Variants in MMRN2 observed in about 807,000 individuals in gnomAD.
MMRN2 encodes the protein multimerin 2.
MMRN2 carries 53 observed loss-of-function variants against 68.8 expected under a neutral mutation model. That is an observed-to-expected ratio of 0.77 (90% confidence interval 0.62 to 0.97). The LOEUF (loss-of-function observed/expected upper bound fraction) is 0.97. MMRN2 is among the 50% of genes least tolerant of loss of function. The probability of loss-of-function intolerance (pLI) is 0.00; values close to 1 mark genes in which losing one functional copy is unlikely to be tolerated. For missense variants in MMRN2, 1,266 were observed against 1,259.5 expected (o/e 1.01, Z -0.08); for synonymous variants, 564 against 551.6 (o/e 1.02, Z -0.32).
chr10:86,936,782 C>G lies in MMRN2; in HGVS notation c.2811G>C (p.Ser937=), dbSNP rs756877625. 6.2e-7 allele frequency: 1 copy of G among 1,614,148 alleles called. No individual in the cohort carries two copies. Among genetic ancestry groups the G allele is most frequent in the South Asian group, 1.1e-5 (1 of 91,080 alleles). Residue 937 remains serine, a synonymous_variant, in exon 7 of 7, where the codon TCG becomes TCC. Coordinates refer to ENST00000372027, the MANE Select transcript of MMRN2 (RefSeq NM_024756.3). ...TCAGGAAGCCCCCAAATGCAGTGCC[C>G]GACAGGCTTCTCTTTGTTATTGATC... The part of the protein sequence containing the change: ...TQGSITKRSL[S]GTAFGGFLMF...
chr10:86,956,220 G>A (rs1363186230), intron 1 of MMRN2, among the ~76,000 whole-genome samples: 3 of 149,992 alleles, frequency 2.0e-5, no homozygotes, highest in East Asian at 2.0e-4. Flanking sequence ...GGGGGCAGGC[G>A]GGAATGAGGT....
intron 1 of MMRN2, chr10:86,948,808 T>G (rs1844106494): frequency 6.6e-6 from 1 of 152,082 alleles, no homozygotes; most frequent in African/African-American, 2.4e-5. Flanking sequence ...ATTAAAAAAT[T>G]AGCCAGGTGT....
chr10:86,937,244 A>G (rs1843894032), intron 6 of MMRN2, 119 bp from the exon 7 acceptor site: 3 of 1,071,684 alleles, frequency 2.8e-6, no homozygotes, highest in Non-Finnish European at 3.9e-6. Flanking sequence ...CTATTTCTAG[A>G]TAACCTAGAT....
rs368071202 is a variant in MMRN2 at position 86,944,088 on chromosome 10, G to A, written c.696C>T (p.His232=). ...AATGCACTTGTAGGAAGGTGTCCACGTGGGGTAGCAGCACCTGCTCCAAGG... is the reference window on the plus strand; with the variant it reads ...AATGCACTTGTAGGAAGGTGTCCACATGGGGTAGCAGCACCTGCTCCAAGG... The part of the protein sequence containing the change: ...DRSLEQVLLP[H]VDTFLQVHFS... The change falls in exon 6 of 7, where the codon CAC becomes CAT. Residue 232 remains histidine (H), a synonymous_variant. Transcript: ENST00000372027. 1.4e-5 allele frequency: 22 copies of A among 1,614,064 alleles called. No homozygotes were observed. The African/African-American group carries it at 1.6e-4, about 12-fold the overall frequency.
At chr10:86,951,994 G>A (rs1336538815) in intron 1 of MMRN2, among the ~76,000 whole-genome samples, 2 of 152,152 alleles carry the variant, frequency 1.3e-5, no homozygotes, top group Admixed American at 6.5e-5. Flanking sequence ...GTTGCAGTGA[G>A]CCGACATTGA....
chr10:86,936,516 C>T lies in MMRN2; in HGVS notation c.*227G>A. ...GCATGCCAAGCCAAGGTTCAGGCTT[C>T]CTAGGACCATGTCCTGCCCGGAGAA... On this transcript the variant is annotated 3_prime_UTR_variant, in exon 7 of 7. Coordinates refer to ENST00000372027, the MANE Select transcript of MMRN2 (RefSeq NM_024756.3). The T allele has an allele frequency of 1.7e-6, 1 of 604,350 alleles. No individual in the cohort carries two copies. The highest frequency in any genetic ancestry group is 3.0e-5 in the Admixed American group (1 of 33,808). The allele number at this position is 604,350 out of a possible 1,614,324, so 37.4% of individuals were successfully genotyped here.
intron 1 of MMRN2, chr10:86,945,928 CAG>C: frequency 1.7e-6 from 2 of 1,164,632 alleles, no homozygotes; most frequent in Non-Finnish European, 2.3e-6. Flanking sequence ...CCCGAGCCAG[CAG>C]AGAGGCTGAG....
At position 86,943,621 on chromosome 10, in the gene MMRN2, G is replaced by T; in HGVS notation, c.1163C>A (p.Ala388Asp). 2.5e-6 allele frequency: 4 copies of T among 1,613,780 alleles called. No homozygotes were observed. The highest frequency in any genetic ancestry group is 2.5e-6 in the Non-Finnish European group (3 of 1,180,002). The change falls in exon 6 of 7, where the codon GCC becomes GAC. Residue 388 changes from alanine to aspartate, a missense_variant. Transcript: ENST00000372027. The surrounding 1 kb of genome is among the most constrained non-coding windows in gnomAD (Gnocchi z 4.2). ...RNLSELHMTTARREEELQYTL... is the reference protein window; with the variant it reads ...RNLSELHMTTDRREEELQYTL... ...GTACTGCAACTCCTCCTCCCTGCGG[G>T]CCGTGGTCATGTGCAGCTCTGAGAG...
chr10:86,943,247 G>A lies in MMRN2; in HGVS notation c.1537C>T (p.Arg513Cys), dbSNP rs1166795049. The A allele has an allele frequency of 1.9e-6, 3 of 1,612,716 alleles. No homozygotes were observed. Among genetic ancestry groups the A allele is most frequent in the East Asian group, 4.5e-5 (2 of 44,868 alleles). The change falls in exon 6 of 7, where the codon CGT becomes TGT. Residue 513 changes from arginine (R) to cysteine (C), a missense_variant. By Grantham distance (180) the Arg-to-Cys change is radical. Coordinates refer to ENST00000372027, the MANE Select transcript of MMRN2 (RefSeq NM_024756.3). This position sits in a 1 kb window ranked among gnomAD's most constrained non-coding sequence, Gnocchi z 4.2. ...VIREGQRDAT[R>C]ALEETQVSLD... is the part of the protein sequence containing the mutation. ...CTCACCTGGGTCTCCTCCAGGGCAC[G>A]CGTGGCGTCCCTCTGGCCCTCCCGG...
chr10:86,944,476 C>T (rs766526972), intron 4 of MMRN2, 41 bp from the exon 5 acceptor site: 2 of 1,606,844 alleles, frequency 1.2e-6, no homozygotes, highest in East Asian at 4.5e-5. Flanking sequence ...GCTAACTCAC[C>T]AGGCCTGGGA....
intron 1 of MMRN2, among the ~76,000 whole-genome samples, chr10:86,954,963 C>T (rs1844197779): frequency 6.6e-6 from 1 of 152,164 alleles, no homozygotes; most frequent in African/African-American, 2.4e-5. Context: ...GCCACAAGCT[C>T]CCAGCTGGGA....
intron 1 of MMRN2, among the ~76,000 whole-genome samples, chr10:86,950,381 T>G (rs1844130116): frequency 6.6e-6 from 1 of 151,914 alleles, no homozygotes; most frequent in Admixed American, 6.6e-5. Flanking sequence ...AATAATAGTC[T>G]CCTAGATCCC....
In MMRN2 at chr10:86,943,433, T is replaced by C; in HGVS notation, c.1351A>G (p.Met451Val). 1 of 1,614,152 alleles carries C rather than the reference T, an allele frequency of 6.2e-7. No individual in the cohort carries two copies. The highest frequency in any genetic ancestry group is 8.5e-7 in the Non-Finnish European group (1 of 1,180,016). ...TALRELRVIL[M>V]EKSLIMEENK... is the part of the protein sequence containing the mutation. The stretch of plus-strand genomic sequence containing the variant: ...TCCTCCATGATCAGAGACTTCTCCA[T>C]CAGGATCACGCGCAGCTCACGGAGC... Residue 451 changes from methionine to valine, a missense_variant, in exon 6 of 7, where the codon ATG (methionine) becomes GTG (valine). Met to Val is a conservative substitution (Grantham distance 21). Coordinates refer to ENST00000372027, the MANE Select transcript of MMRN2 (RefSeq NM_024756.3). The surrounding 1 kb of genome is among the most constrained non-coding windows in gnomAD (Gnocchi z 4.2).
At position 86,942,638 on chromosome 10, in the gene MMRN2, C is replaced by A; in HGVS notation, c.2146G>T (p.Glu716Ter). 1 of 1,599,718 alleles carries A rather than the reference C, an allele frequency of 6.3e-7. No homozygotes were observed. Among genetic ancestry groups the A allele is most frequent in the South Asian group, 1.1e-5 (1 of 90,906 alleles). The change falls in exon 6 of 7, where the codon GAG (glutamate) becomes TAG (stop). Residue 716 changes from glutamate to a stop codon, truncating the protein, a stop_gained. Coordinates refer to ENST00000372027, the MANE Select transcript of MMRN2 (RefSeq NM_024756.3). LOFTEE classifies it high-confidence loss of function. ...NDVKNVGRCCEAEAGAGAASL... is the reference protein window; with the variant it reads ...NDVKNVGRCC Reference sequence around the variant, plus strand: ...GCGGCCCCGGCCCCGGCCTCGGCCTCGCAGCACCGCCCGACATTCTTGACG... The same window carrying A: ...GCGGCCCCGGCCCCGGCCTCGGCCTAGCAGCACCGCCCGACATTCTTGACG...
At position 86,943,687 on chromosome 10, in the gene MMRN2, G is replaced by C. The variant is rs751062543; in HGVS notation, c.1097C>G (p.Pro366Arg). Reference sequence around the variant, plus strand: ...GCCCAGCCTGGCCTGCAGGCTGTCCGGCTCAGGCCTTGCCCCAGCCCCAGG... The same window carrying C: ...GCCCAGCCTGGCCTGCAGGCTGTCCCGCTCAGGCCTTGCCCCAGCCCCAGG... ...ATPGAGARPE[P>R]DSLQARLGQL... Residue 366 changes from proline (P) to arginine (R), a missense_variant, in exon 6 of 7, where the codon CCG becomes CGG. Pro to Arg is a moderately radical substitution (Grantham distance 103). Coordinates refer to ENST00000372027, the MANE Select transcript of MMRN2 (RefSeq NM_024756.3). This position sits in a 1 kb window ranked among gnomAD's most constrained non-coding sequence, Gnocchi z 4.2. 3.1e-6 allele frequency: 5 copies of C among 1,610,674 alleles called. No homozygotes were observed. The highest frequency in any genetic ancestry group is 2.2e-5 in the East Asian group (1 of 44,878).
rs145792105 is a variant in MMRN2, at chr10:86,943,601, G to A, written c.1183C>T (p.Gln395Ter). ...MTTARREEEL[Q>*]YTLEDMRATL... ...GCCCTCATGTCCTCCAGGGTGTACT[G>A]CAACTCCTCCTCCCTGCGGGCCGTG... is the stretch of plus-strand genomic sequence containing the variant. Residue 395 changes from glutamine to a stop codon, truncating the protein, a stop_gained, in exon 6 of 7, where the codon CAG becomes TAG. Transcript: ENST00000372027. LOFTEE classifies it high-confidence loss of function. The surrounding 1 kb of genome is among the most constrained non-coding windows in gnomAD (Gnocchi z 4.2). 81 of 1,614,010 alleles carry A rather than the reference G, an allele frequency of 5.0e-5. No individual in the cohort carries two copies. Among genetic ancestry groups the A allele is most frequent in the Admixed American group, 4.8e-4 (29 of 60,020 alleles).
At chr10:86,952,109 C>T (rs1315867750) in intron 1 of MMRN2, among the ~76,000 whole-genome samples, 8 of 152,074 alleles carry the variant, frequency 5.3e-5, no homozygotes, top group Admixed American at 1.3e-4. Flanking sequence ...CTATCAAGAC[C>T]GACTCCAAAG....
chr10:86,943,337 C>T lies in MMRN2; in HGVS notation c.1447G>A (p.Ala483Thr), dbSNP rs1844007594. 6.2e-7 allele frequency: 1 copy of T among 1,613,952 alleles called. No homozygotes were observed. The highest frequency in any genetic ancestry group is 1.7e-5 in the Admixed American group (1 of 60,030). The change falls in exon 6 of 7, where the codon GCC becomes ACC. Residue 483 changes from alanine to threonine, a missense_variant. Transcript: ENST00000372027. This position sits in a 1 kb window ranked among gnomAD's most constrained non-coding sequence, Gnocchi z 4.2. ...LTLQHLQGGH[A>T]DLIKYVKDCN... ...TCCTTCACGTACTTGATGAGGTCGG[C>T]ATGGCCACCCTGCAGGTGCTGCAGC...
intron 1 of MMRN2, among the ~76,000 whole-genome samples, chr10:86,952,969 A>G (rs1168296928): frequency 6.6e-6 from 1 of 152,110 alleles, no homozygotes; most frequent in Non-Finnish European, 1.5e-5. Flanking sequence ...TTAATATTAT[A>G]TTCCTTGCTA....
Sources: allele counts gnomAD v4.1 joint callset (sites outside exome capture counted in the v4.1 genomes callset), GRCh38; gene constraint gnomAD v4.1.1; non-coding constraint Gnocchi (gnomAD v3.1); transcripts MANE v1.5; gene names NCBI Gene and HGNC (gene_info 2026-07-23, HGNC 2026-07-21).